The following FMN2 variants were observed in gnomAD, a reference collection of about 807,000 sequenced individuals.
The protein encoded by FMN2 is formin-2.
A neutral mutation model predicts 142.3 loss-of-function variants in FMN2; 51 were observed. The ratio of observed to expected loss-of-function variants is 0.36; its 90% CI spans 0.29 to 0.45. The LOEUF (loss-of-function observed/expected upper bound fraction) is 0.45, where lower values mean the gene tolerates loss of function less well. FMN2 is among the 20% of genes least tolerant of loss of function. The probability of loss-of-function intolerance (pLI) is 1.00; values close to 1 mark genes in which losing one functional copy is unlikely to be tolerated. For missense variants in FMN2, 1,936 were observed against 2,122.8 expected, an observed-to-expected ratio of 0.91 and a Z score of 1.73; for synonymous variants, 882 against 869.8, an observed-to-expected ratio of 1.01 and a Z score of -0.25.
At chr1:240,474,016 G>A (rs1676894594) in intron 17 of FMN2, 112 bp from the exon 18 acceptor site, 1 of 903,908 alleles carries the variant, frequency 1.1e-6, no homozygotes, top group Non-Finnish European at 1.6e-6. Context: ...CTTTAACCTT[G>A]TCCCACAGAA....
intron 13 of FMN2, among the ~76,000 whole-genome samples, chr1:240,355,053 T>A (rs1672216989): frequency 6.6e-6 from 1 of 152,146 alleles, no homozygotes; most frequent in Admixed American, 6.6e-5. Flanking sequence ...CCTAAGACAT[T>A]TATGATGCCA....
chr1:240,470,204 G>T (rs1244077895), intron 16 of FMN2, among the ~76,000 whole-genome samples: 3 of 70,134 alleles, frequency 4.3e-5, no homozygotes, highest in African/African-American at 5.6e-5. Context: ...TTGACTAAGT[G>T]CTGAAAAAAA....
chr1:240,452,213 T>C (rs963138263), intron 16 of FMN2, among the ~76,000 whole-genome samples: 1 of 151,988 alleles, frequency 6.6e-6, no homozygotes, highest in Non-Finnish European at 1.5e-5. Context: ...AAATAAAAAA[T>C]TTAGTTATGT....
Position 240,142,883 on chromosome 1 carries a change from C to G in FMN2, c.1782+19538C>G. ...CATGGACAGACACTGGCAATGGCCT[C>G]AGCTCCTCATCAAACGTAACCAGCA... On this transcript the variant is annotated intron_variant, in intron 2 of 17. Transcript: ENST00000319653. 3 of 1,603,094 alleles carry G rather than the reference C, an allele frequency of 1.9e-6. No individual in the cohort carries two copies. The South Asian group carries it at 3.3e-5, about 18-fold the overall frequency.
chr1:240,120,494 T>C (rs1376670589), intron 1 of FMN2, among the ~76,000 whole-genome samples: 3 of 152,232 alleles, frequency 2.0e-5, no homozygotes, highest in African/African-American at 7.2e-5. Flanking sequence ...CACAGAATCA[T>C]AGCATTGTAT....
At chr1:240,104,416 G>A (rs1209553491) in intron 1 of FMN2, among the ~76,000 whole-genome samples, 1 of 151,974 alleles carries the variant, frequency 6.6e-6, no homozygotes, top group Non-Finnish European at 1.5e-5. Context: ...AAGAATCCAT[G>A]TAGTTGTATT....
At chr1:240,410,772 T>G (rs1270749400) in intron 15 of FMN2, among the ~76,000 whole-genome samples, 1 of 152,228 alleles carries the variant, frequency 6.6e-6, no homozygotes, top group East Asian at 1.9e-4. Context: ...GTATATTGCT[T>G]CTTCAGTTCA....
At chr1:240,258,985 A>G (rs2102899334) in intron 7 of FMN2, among the ~76,000 whole-genome samples, 1 of 152,350 alleles carries the variant, frequency 6.6e-6, no homozygotes, top group Non-Finnish European at 1.5e-5. Context: ...TGGGCTTAAA[A>G]TCTTGTGTGG....
At chr1:240,290,780 G>GGT (rs1669753012) in intron 7 of FMN2, among the ~76,000 whole-genome samples, 2 of 100,196 alleles carry the variant, frequency 2.0e-5, no homozygotes, top group African/African-American at 9.2e-5. Flanking sequence ...TGTTTGTTTG[G>GGT]TTTTTTTTTT....
At chr1:240,454,868 A>G (rs1477847308) in intron 16 of FMN2, among the ~76,000 whole-genome samples, 1 of 152,018 alleles carries the variant, frequency 6.6e-6, no homozygotes, top group Non-Finnish European at 1.5e-5. Flanking sequence ...TGGAAAAGCT[A>G]TTGTTTTTTA....
At chr1:240,294,930 A>T in intron 8 of FMN2, 47 bp downstream of exon 8, 8 of 1,474,616 alleles carry the variant, frequency 5.4e-6, no homozygotes, top group Non-Finnish European at 7.6e-6. Flanking sequence ...ATATGTACAC[A>T]GTACATGTCT....
intron 15 of FMN2, among the ~76,000 whole-genome samples, chr1:240,429,916 C>T (rs1304145575): frequency 2.0e-5 from 3 of 147,910 alleles, no homozygotes; most frequent in East Asian, 2.0e-4. Context: ...GGCAGAGTCT[C>T]GCTCTGCCGC....
rs57065226 is a variant in FMN2 at position 240,459,717 on chromosome 1, T to TAAAAAAAAAA, written c.5061-12626_5061-12617dup. Among the ~76,000 whole-genome samples the TAAAAAAAAAA allele has an allele frequency of 8.8e-4, 59 of 67,128 alleles. 1 individual carries two copies. Among genetic ancestry groups the TAAAAAAAAAA allele is most frequent in the Non-Finnish European group, 1.1e-3 (37 of 33,490 alleles). 44.0% of individuals were successfully genotyped at this position (67,128 alleles called of 152,430 possible). A position where few individuals can be genotyped will look rare whatever the true frequency, so the allele number is the denominator to read the frequency against. ...GGGTGACAGAACAAGACTCTGTCTCTAAAAAAAAAAAAAAAAAAAAAAAAA... is the reference window on the plus strand; with the variant it reads ...GGGTGACAGAACAAGACTCTGTCTCTAAAAAAAAAAAAAAAAAAAAAAAAAAAAAAAAAAA... On this transcript the variant is annotated intron_variant, in intron 16 of 17. Coordinates refer to ENST00000319653, the MANE Select transcript of FMN2 (RefSeq NM_020066.5).
chr1:240,442,453 G>A (rs1014945115), intron 16 of FMN2, among the ~76,000 whole-genome samples: 2 of 152,162 alleles, frequency 1.3e-5, no homozygotes, highest in African/African-American at 4.8e-5. Context: ...TGTTTTTGAA[G>A]GAAGAACAGT....
intron 6 of FMN2, among the ~76,000 whole-genome samples, chr1:240,228,303 C>CAAA (rs577421634): frequency 9.2e-4 from 44 of 47,734 alleles, no homozygotes; most frequent in Admixed American, 1.7e-3. Context: ...AACTCTGTCT[C>CAAA]AAAAAAAAAA....
intron 2 of FMN2, among the ~76,000 whole-genome samples, chr1:240,173,888 A>G (rs1308388365): frequency 6.6e-6 from 1 of 152,150 alleles, no homozygotes; most frequent in Admixed American, 6.5e-5. Context: ...TTGGTGAATG[A>G]TGAAACTCAG....
At position 240,474,580 on chromosome 1, in the gene FMN2, C is replaced by T. The variant is rs1377540628; in HGVS notation, c.*426C>T. On this transcript the variant is annotated 3_prime_UTR_variant, in exon 18 of 18. Transcript: ENST00000319653. ...TAGACATATGGGTAAAATGTTATTTCTAGTGAATTGTTTGTATCAGTTTCA... is the reference window on the plus strand; with the variant it reads ...TAGACATATGGGTAAAATGTTATTTTTAGTGAATTGTTTGTATCAGTTTCA... The T allele has an allele frequency of 6.4e-6, 1 of 155,574 alleles. No individual in the cohort carries two copies. The highest frequency in any genetic ancestry group is 2.4e-5 in the African/African-American group (1 of 41,596). 9.6% of individuals were successfully genotyped at this position (155,574 alleles called of 1,614,324 possible).
chr1:240,392,529 C>T lies in FMN2; in HGVS notation c.4877C>T (p.Ala1626Val). 1.2e-6 allele frequency: 2 copies of T among 1,609,580 alleles called. No individual in the cohort carries two copies. The highest frequency in any genetic ancestry group is 1.7e-6 in the Non-Finnish European group (2 of 1,177,814). ...CTTTCAGCCAAAATTGACCAAGAGG[C>T]AGAGGAAAATTCACTGACAGAGACT... The part of the protein sequence containing the change: ...FIIQAKIDQE[A>V]EENSLTETHK... The change falls in exon 15 of 18, where the codon GCA (alanine) becomes GTA (valine). Residue 1626 changes from alanine to valine, a missense_variant. Transcript: ENST00000319653.
chr1:240,457,655 A>G (rs1309031332), intron 16 of FMN2: 1 of 152,208 alleles, frequency 6.6e-6, no homozygotes, highest in Non-Finnish European at 1.5e-5. Context: ...CTAAGCAGGG[A>G]CTCGGAGATG....
Sources: gnomAD v4.1 joint callset for allele counts (sites outside exome capture counted in the v4.1 genomes callset) on GRCh38, gnomAD v4.1.1 for gene constraint, MANE v1.5 for transcripts, NCBI Gene and HGNC (gene_info 2026-07-23, HGNC 2026-07-21) for gene names.